Variants in SSBP3 observed in about 807,000 individuals in gnomAD.
SSBP3 encodes the protein single-stranded DNA-binding protein 3.
In SSBP3, 5 loss-of-function variants were observed where a neutral mutation model predicts 69.6. That is an observed-to-expected ratio of 0.07 (90% CI 0.04 to 0.15). SSBP3 has a LOEUF of 0.15. SSBP3 is among the 10% of genes least tolerant of loss of function. The probability of loss-of-function intolerance (pLI) is 1.00; values close to 1 mark genes in which losing one functional copy is unlikely to be tolerated. For synonymous variants in SSBP3, 196 were observed against 193.4 expected (o/e 1.01, Z -0.11); for missense variants, 312 against 534.0 (o/e 0.58, Z 4.10).
chr1:54,249,524 G>C (rs1644790490), intron 9 of SSBP3, among the ~76,000 whole-genome samples: 1 of 151,998 alleles, frequency 6.6e-6, no homozygotes, highest in Admixed American at 6.6e-5. Context: ...GCAAGACCCT[G>C]TCTCTACTAA....
chr1:54,373,219 G>A (rs1035223462), intron 4 of SSBP3, among the ~76,000 whole-genome samples: 1 of 152,178 alleles, frequency 6.6e-6, no homozygotes, highest in African/African-American at 2.4e-5. Flanking sequence ...ACAGTCTTGG[G>A]AGCAAGGTGA....
At chr1:54,228,405 C>T in intron 16 of SSBP3, 44 bp downstream of exon 16, 1 of 1,614,180 alleles carries the variant, frequency 6.2e-7, no homozygotes. Context: ...AACAACCTGC[C>T]CACACAGATG....
upstream of SSBP3, among the ~76,000 whole-genome samples, chr1:54,407,542 G>C (rs959506222): frequency 6.6e-6 from 1 of 151,998 alleles, no homozygotes; most frequent in Non-Finnish European, 1.5e-5. Flanking sequence ...CCCCTCATTA[G>C]GGACTCTTAA....
At chr1:54,264,816 G>A (rs1198164356) in intron 5 of SSBP3, among the ~76,000 whole-genome samples, 1 of 152,164 alleles carries the variant, frequency 6.6e-6, no homozygotes, top group Non-Finnish European at 1.5e-5. Flanking sequence ...AGGTTGTTAA[G>A]AGATAAAACA....
intron 14 of SSBP3, among the ~76,000 whole-genome samples, chr1:54,235,448 A>ATTTTTTTTTTTTTTTTTTTTTTTT (rs71580002): frequency 1.4e-5 from 1 of 69,920 alleles, no homozygotes; most frequent in Non-Finnish European, 2.5e-5. Context: ...TGCCCGGCTG[A>ATTTTTTTTTTTTTTTTTTTTTTTT]TTTTTTTTTT....
intron 4 of SSBP3, chr1:54,286,934 C>T (rs1354366258): frequency 6.6e-6 from 1 of 152,318 alleles, no homozygotes; most frequent in African/African-American, 2.4e-5. Flanking sequence ...AGCAAGTGGA[C>T]TTGACGAGTC....
At chr1:54,240,083 TGTGTGCGCGCGC>T (rs1644589078) in intron 13 of SSBP3, among the ~76,000 whole-genome samples, 9 of 71,316 alleles carry the variant, frequency 1.3e-4, no homozygotes, top group African/African-American at 5.1e-4. Context: ...TGTGTGTGTG[TGTGTGCGCGCGC>T]GCGCGTGTGC....
chr1:54,270,020 T>C (rs1195903697), intron 5 of SSBP3, among the ~76,000 whole-genome samples: 1 of 152,190 alleles, frequency 6.6e-6, no homozygotes, highest in African/African-American at 2.4e-5. Context: ...AGCCGTGGCT[T>C]ATGAATGTAT....
At chr1:54,389,394 A>G (rs1648320353) in intron 4 of SSBP3, among the ~76,000 whole-genome samples, 1 of 151,988 alleles carries the variant, frequency 6.6e-6, no homozygotes, top group South Asian at 2.1e-4. Context: ...GTCATTAAAA[A>G]CCAGCCCAAT....
chr1:54,396,810 C>T (rs1341295908), intron 4 of SSBP3, among the ~76,000 whole-genome samples: 1 of 152,196 alleles, frequency 6.6e-6, no homozygotes, highest in Non-Finnish European at 1.5e-5. Context: ...ACCACTCCCC[C>T]CGCCCCACCT....
chr1:54,266,688 A>G (rs1645108114), intron 5 of SSBP3, among the ~76,000 whole-genome samples: 1 of 152,208 alleles, frequency 6.6e-6, no homozygotes, highest in Non-Finnish European at 1.5e-5. Context: ...CATTTTACAA[A>G]GGGGGAAAAC....
At chr1:54,402,091 G>C in intron 3 of SSBP3, 146 bp from the exon 4 acceptor site, 1 of 642,876 alleles carries the variant, frequency 1.6e-6, no homozygotes, top group East Asian at 2.8e-5. Context: ...AAACAGCCTA[G>C]AAAACAAAAC....
intron 4 of SSBP3, among the ~76,000 whole-genome samples, chr1:54,365,594 C>T (rs938602765): frequency 2.0e-5 from 3 of 152,172 alleles, no homozygotes; most frequent in African/African-American, 7.2e-5. Flanking sequence ...ACTCAAGTCA[C>T]AGAACTGGGT....
At chr1:54,327,982 G>A (rs1028786572) in intron 4 of SSBP3, among the ~76,000 whole-genome samples, 3 of 152,128 alleles carry the variant, frequency 2.0e-5, no homozygotes, top group African/African-American at 4.8e-5. Context: ...TTTTAAACAC[G>A]AAGAAGAGTC....
chr1:54,411,679 TCAGGAAATCGAGAC>T (rs1204554179), intron 1 of SSBP3, among the ~76,000 whole-genome samples: 1 of 151,060 alleles, frequency 6.6e-6, no homozygotes, highest in Non-Finnish European at 1.5e-5. Flanking sequence ...GATCGCGAGG[TCAGGAAATCGAGAC>T]CATCCTGGCT....
At chr1:54,333,713 T>C (rs960513489) in intron 4 of SSBP3, among the ~76,000 whole-genome samples, 5 of 152,146 alleles carry the variant, frequency 3.3e-5, no homozygotes, top group African/African-American at 1.2e-4. Flanking sequence ...GAGATAATAA[T>C]GGAGGTGATA....
rs1422331194 is a variant in SSBP3, at chr1:54,404,949, G to C, written c.57-19C>G. Reference sequence around the variant, plus strand: ...AGCTAACCTGGAAAGTGGACAGGGGGCAAAGAGAGAGAGGGAAAGGCGTCA... The same window carrying C: ...AGCTAACCTGGAAAGTGGACAGGGGCCAAAGAGAGAGAGGGAAAGGCGTCA... On this transcript the variant is annotated intron_variant, in intron 1 of 17. Coordinates refer to ENST00000610401, the Ensembl canonical transcript of SSBP3. 6.2e-7 allele frequency: 1 copy of C among 1,608,588 alleles called. No homozygotes were observed. The highest frequency in any genetic ancestry group is 1.7e-5 in the Admixed American group (1 of 59,860).
chr1:54,309,299 A>G (rs1417671769), intron 4 of SSBP3, among the ~76,000 whole-genome samples: 1 of 152,202 alleles, frequency 6.6e-6, no homozygotes, highest in East Asian at 1.9e-4. Context: ...CAAAAAACAC[A>G]CAAGTTTTCC....
chr1:54,332,771 C>G (rs1453482887), intron 4 of SSBP3, among the ~76,000 whole-genome samples: 1 of 152,166 alleles, frequency 6.6e-6, no homozygotes, highest in Non-Finnish European at 1.5e-5. Context: ...CCTTGTCCCA[C>G]AGCCAAAGCT....
Sources: allele counts gnomAD v4.1 joint callset (sites outside exome capture counted in the v4.1 genomes callset), GRCh38; gene constraint gnomAD v4.1.1; transcripts MANE v1.5; gene names NCBI Gene and HGNC (gene_info 2026-07-23, HGNC 2026-07-21).